DPYD: variants seen among roughly 807,000 people sequenced by gnomAD.
DPYD encodes dihydropyrimidine dehydrogenase [NADP(+)].
Under a neutral mutation model 116.2 loss-of-function variants are expected in DPYD, and 109 were observed. The observed-to-expected ratio is 0.94, with a 90% CI of 0.80 to 1.10. The LOEUF (loss-of-function observed/expected upper bound fraction) is 1.10. Ranked by LOEUF, DPYD falls within the 50% of genes least tolerant of loss-of-function variation. DPYD has a pLI of 0.00. For missense variants in DPYD, 1,302 were observed against 1,254.5 expected, an observed-to-expected ratio of 1.04 and a Z score of -0.57; for synonymous variants, 440 against 432.0, an observed-to-expected ratio of 1.02 and a Z score of -0.23.
At chr1:97,481,163 A>G (rs1008470599) in intron 13 of DPYD, among the ~76,000 whole-genome samples, 2 of 152,190 alleles carry the variant, frequency 1.3e-5, no homozygotes, top group Non-Finnish European at 1.5e-5. Context: ...AGAAAAATGT[A>G]AGTAATGATT....
chr1:97,421,291 C>T (rs7414298), intron 14 of DPYD, among the ~76,000 whole-genome samples: 141,066 of 152,190 alleles, frequency 0.93, 66,329 homozygotes, highest in East Asian at 1. Flanking sequence ...GTTAAATCTT[C>T]ATGTATTGTA....
Position 97,101,098 on chromosome 1 carries a change from C to CAA in DPYD, c.2623-2468_2623-2467dup, listed in dbSNP as rs561009165. Reference sequence around the variant, plus strand: ...CTTGCCAATTTTTTTTAATTGAAAGCAAAAAAAAAAATACCAAATATCAGT... The same window carrying CAA: ...CTTGCCAATTTTTTTTAATTGAAAGCAAAAAAAAAAAAATACCAAATATCAGT... On this transcript the variant is annotated intron_variant, in intron 20 of 22. Coordinates refer to ENST00000370192, the MANE Select transcript of DPYD (RefSeq NM_000110.4). Among the ~76,000 whole-genome samples, 395 of 143,816 alleles carry CAA rather than the reference C, an allele frequency of 2.7e-3. 5 individuals are homozygous for CAA. Among genetic ancestry groups the CAA allele is most frequent in the African/African-American group, 9.4e-3 (372 of 39,622 alleles). The allele number at this position is 143,816 out of a possible 152,430, so 94.3% of individuals were successfully genotyped here.
In DPYD at chr1:97,344,764, T is replaced by A. The variant is rs145150062; in HGVS notation, c.2058+28797A>T. On this transcript the variant is annotated intron_variant, in intron 16 of 22. Transcript: ENST00000370192. ...TTTAAGGATGGACATTTGTCTCCAG[T>A]TGTGTTATTAAAAATGGTGCTAACT... 2.6e-3 allele frequency among the ~76,000 whole-genome samples: 389 copies of A among 152,020 alleles called. 1 individual carries two copies. The highest frequency in any genetic ancestry group is 8.9e-3 in the African/African-American group (370 of 41,534).
At chr1:97,363,118 C>G (rs1479172126) in intron 16 of DPYD, among the ~76,000 whole-genome samples, 1 of 152,154 alleles carries the variant, frequency 6.6e-6, no homozygotes, top group Admixed American at 6.5e-5. Context: ...AAAAAACATA[C>G]AACCCCATCA....
intron 16 of DPYD, among the ~76,000 whole-genome samples, chr1:97,351,481 A>T (rs369838271): frequency 1.5e-4 from 23 of 152,264 alleles, no homozygotes; most frequent in African/African-American, 5.5e-4. Flanking sequence ...AGAAAAAAAT[A>T]AATCATGGAA....
At chr1:97,552,564 T>G (rs780836244) in intron 11 of DPYD, among the ~76,000 whole-genome samples, 3 of 152,130 alleles carry the variant, frequency 2.0e-5, no homozygotes, top group Non-Finnish European at 4.4e-5. Flanking sequence ...TGTGTTATTA[T>G]GTATCCTTAA....
chr1:97,714,275 G>A lies in DPYD; in HGVS notation c.483+7235C>T, dbSNP rs143913540. 2.8e-3 allele frequency among the ~76,000 whole-genome samples: 421 copies of A among 152,006 alleles called. 1 individual carries two copies. Among genetic ancestry groups the A allele is most frequent in the African/African-American group, 9.9e-3 (409 of 41,460 alleles). The stretch of plus-strand genomic sequence containing the variant: ...TGTCGCCAGGCTGGTGTGTAGTGGC[G>A]CAATCTCGGCTCATTGCAACCTCTG... On this transcript the variant is annotated intron_variant, in intron 5 of 22. Transcript: ENST00000370192.
At chr1:97,703,363 C>T (rs530321353) in intron 5 of DPYD, among the ~76,000 whole-genome samples, 73 of 152,060 alleles carry the variant, frequency 4.8e-4, no homozygotes, top group Non-Finnish European at 9.1e-4. Context: ...AGTCCTTTAA[C>T]ATTTCTATGC....
chr1:97,824,885 A>T (rs1262919459), intron 3 of DPYD, among the ~76,000 whole-genome samples: 1 of 152,190 alleles, frequency 6.6e-6, no homozygotes, highest in African/African-American at 2.4e-5. Context: ...GGCTACAACA[A>T]GTATCAAAAT....
At chr1:97,720,663 A>C (rs1363355105) in intron 5 of DPYD, 22 of 1,324,206 alleles carry the variant, frequency 1.7e-5, no homozygotes, top group Non-Finnish European at 2.1e-5. Context: ...GAAAGAACAC[A>C]TTGTGTTTAT....
intron 14 of DPYD, among the ~76,000 whole-genome samples, chr1:97,385,860 T>A: frequency 6.6e-6 from 1 of 152,156 alleles, no homozygotes; most frequent in East Asian, 1.9e-4. Context: ...TACATGGCAA[T>A]TTTAATTTTA....
At chr1:97,895,724 T>C (rs538137571) in intron 1 of DPYD, among the ~76,000 whole-genome samples, 2 of 151,724 alleles carry the variant, frequency 1.3e-5, no homozygotes, top group Non-Finnish European at 3.0e-5. Context: ...AATCATGAAA[T>C]TTATGAATTT....
Position 97,450,208 on chromosome 1 carries a change from C to T in DPYD, c.1756G>A (p.Val586Ile). The T allele has an allele frequency of 1.2e-6, 2 of 1,613,582 alleles. No homozygotes were observed. The highest frequency in any genetic ancestry group is 1.1e-5 in the South Asian group (1 of 91,070). Residue 586 changes from valine to isoleucine, a missense_variant, in exon 14 of 23, where the codon GTT becomes ATT. Physicochemically the swap from Val to Ile is conservative, Grantham distance 29. Coordinates refer to ENST00000370192, the MANE Select transcript of DPYD (RefSeq NM_000110.4). ...GTTCCCCGGATGATTCTGGGGGAAA[C>T]ATTTGTCACAATGTCCTGATGAAAG... is the stretch of plus-strand genomic sequence containing the variant. ...FSLDKDIVTN[V>I]SPRIIRGTTS...
At chr1:97,684,812 G>T (rs950079498) in intron 7 of DPYD, among the ~76,000 whole-genome samples, 11 of 152,100 alleles carry the variant, frequency 7.2e-5, no homozygotes, top group Admixed American at 2.0e-4. Context: ...TTGAATCCCT[G>T]AATAGACCAA....
At chr1:97,611,416 T>A (rs1472573273) in intron 8 of DPYD, among the ~76,000 whole-genome samples, 1 of 152,034 alleles carries the variant, frequency 6.6e-6, no homozygotes. Flanking sequence ...ATAAACCGTA[T>A]CAGTGAGTTT....
At chr1:97,220,232 G>T (rs910216623) in intron 19 of DPYD, among the ~76,000 whole-genome samples, 5 of 151,894 alleles carry the variant, frequency 3.3e-5, no homozygotes, top group African/African-American at 4.8e-5. Flanking sequence ...GGGATTCATG[G>T]CTTTATACGA....
chr1:97,213,884 T>C (rs1007507313), intron 19 of DPYD, among the ~76,000 whole-genome samples: 1 of 152,162 alleles, frequency 6.6e-6, no homozygotes, highest in Non-Finnish European at 1.5e-5. Context: ...GGCAAAAGGA[T>C]GATATTCCCC....
chr1:97,400,333 T>G (rs886219139), intron 14 of DPYD, among the ~76,000 whole-genome samples: 5 of 152,120 alleles, frequency 3.3e-5, no homozygotes, highest in African/African-American at 1.2e-4. Context: ...TTTTGATGTG[T>G]TGCTGGATTC....
chr1:97,797,604 G>A (rs1262311974), intron 3 of DPYD: 1 of 152,056 alleles, frequency 6.6e-6, no homozygotes, highest in African/African-American at 2.4e-5. Context: ...CAGAGGCAGA[G>A]GCCAGCTTTG....
Sources: allele counts gnomAD v4.1 joint callset (sites outside exome capture counted in the v4.1 genomes callset), GRCh38; gene constraint gnomAD v4.1.1; transcripts MANE v1.5; gene names NCBI Gene and HGNC (gene_info 2026-07-23, HGNC 2026-07-21).